The following TPRG1 variants were observed in gnomAD, a reference collection of about 807,000 sequenced individuals.
TPRG1 encodes tumor protein p63-regulated gene 1 protein.
In TPRG1, 29 loss-of-function variants were observed where a neutral mutation model predicts 29.3. That is an observed-to-expected ratio of 0.99 (90% CI 0.74 to 1.35). The LOEUF (loss-of-function observed/expected upper bound fraction) is 1.35, where lower values mean the gene tolerates loss of function less well. Among genes scored for constraint, TPRG1 ranks in the 40% most tolerant of loss-of-function variants. TPRG1 has a pLI of 0.00. For synonymous variants in TPRG1, 130 were observed against 116.8 expected (o/e 1.11, Z -0.73); for missense variants, 327 against 335.0 (o/e 0.98, Z 0.19).
intron 1 of TPRG1, among the ~76,000 whole-genome samples, chr3:189,000,591 T>C (rs1196743921): frequency 6.6e-6 from 1 of 152,104 alleles, no homozygotes; most frequent in Admixed American, 6.6e-5. Context: ...ATTTTTAATG[T>C]ACAAAATTAT....
In TPRG1 at chr3:189,162,049, G is replaced by A. The variant is rs139421849; in HGVS notation, c.-10+11177G>A. ...ACTCTATCACCCAGGCTGGAGTGCA[G>A]TCGTGTGATCTTGGCTCATTGCAAC... On this transcript the variant is annotated intron_variant, in intron 5 of 6. Transcript: ENST00000412373. Among the ~76,000 whole-genome samples the A allele has an allele frequency of 2.4e-3, 368 of 152,256 alleles. 2 individuals are homozygous for A. The highest frequency in any genetic ancestry group is 8.5e-3 in the African/African-American group (354 of 41,530).
intron 4 of TPRG1, among the ~76,000 whole-genome samples, chr3:189,149,416 A>AGAAT (rs1725662053): frequency 6.6e-6 from 1 of 152,224 alleles, no homozygotes; most frequent in African/African-American, 2.4e-5. Context: ...AAAGCATTCA[A>AGAAT]GAGCTTTCTG....
intron 2 of TPRG1, among the ~76,000 whole-genome samples, chr3:189,129,906 G>T (rs116266408): frequency 6.6e-6 from 1 of 152,240 alleles, no homozygotes; most frequent in African/African-American, 2.4e-5. Context: ...CTTGTGTTAG[G>T]CATTGTGAAG....
chr3:189,294,802 T>TCACACACACACACACA lies in TPRG1; in HGVS notation c.480-15584_480-15583insCACACACACACACACA, dbSNP rs577519611. Among the ~76,000 whole-genome samples, 8 of 131,518 alleles carry TCACACACACACACACA rather than the reference T, an allele frequency of 6.1e-5. No individual in the cohort carries two copies. In the South Asian group the frequency reaches 1.9e-3, roughly 30 times the overall value. The allele number at this position is 131,518 out of a possible 152,430, so 86.3% of individuals were successfully genotyped here. A position where few individuals can be genotyped will look rare whatever the true frequency, so the allele number is the denominator to read the frequency against. On this transcript the variant is annotated intron_variant, in intron 4 of 5. Transcript: ENST00000345063. The stretch of plus-strand genomic sequence containing the variant: ...ACCTTTAATTACACAACCCTTACAG[T>TCACACACACACACACA]TACACACACACACACACACACACAC...
chr3:189,097,414 A>C (rs974957413), upstream of TPRG1, among the ~76,000 whole-genome samples: 1 of 152,252 alleles, frequency 6.6e-6, no homozygotes, highest in African/African-American at 2.4e-5. Flanking sequence ...TCATTCTTCC[A>C]AATAAATATG....
chr3:189,015,372 T>C (rs1230960794), intron 3 of TPRG1, among the ~76,000 whole-genome samples: 1 of 152,184 alleles, frequency 6.6e-6, no homozygotes, highest in Non-Finnish European at 1.5e-5. Flanking sequence ...GAAACTTATG[T>C]TTAAAAGGTA....
At chr3:189,020,017 C>A (rs570749462) in intron 3 of TPRG1, among the ~76,000 whole-genome samples, 4 of 151,666 alleles carry the variant, frequency 2.6e-5, no homozygotes, top group Non-Finnish European at 5.9e-5. Context: ...AGTTTATTTG[C>A]GTAGAGGTGT....
rs115171723 is a variant in TPRG1 at position 189,245,692 on chromosome 3, T to C, written c.479+6783T>C. On this transcript the variant is annotated intron_variant, in intron 4 of 5. Coordinates refer to ENST00000345063, the MANE Select transcript of TPRG1 (RefSeq NM_198485.4). The stretch of plus-strand genomic sequence containing the variant: ...CAAATATCAATTGGGATATTGTGTT[T>C]GATAATGCTATTTAGATTATATATA... Among the ~76,000 whole-genome samples the C allele has an allele frequency of 5.4e-3, 817 of 152,288 alleles. 3 individuals carry two copies. Among genetic ancestry groups the C allele is most frequent in the African/African-American group, 0.019 (773 of 41,582 alleles).
chr3:189,297,213 T>A (rs1720089124), intron 4 of TPRG1, among the ~76,000 whole-genome samples: 2 of 152,096 alleles, frequency 1.3e-5, no homozygotes, highest in African/African-American at 4.8e-5. Flanking sequence ...ACTCCTGACC[T>A]CAAGTGATCT....
At chr3:189,305,550 G>GC (rs1001104549) in intron 4 of TPRG1, among the ~76,000 whole-genome samples, 9 of 152,054 alleles carry the variant, frequency 5.9e-5, no homozygotes, top group African/African-American at 1.7e-4. Context: ...TGTGTAGAAA[G>GC]CAAAACTTCT....
chr3:189,307,024 T>C (rs1721736588), intron 4 of TPRG1, among the ~76,000 whole-genome samples: 1 of 152,176 alleles, frequency 6.6e-6, no homozygotes, highest in Admixed American at 6.5e-5. Context: ...GACCCAGTCT[T>C]CTTCTTCTTT....
chr3:189,303,039 T>C (rs928101554), intron 4 of TPRG1, among the ~76,000 whole-genome samples: 4 of 152,182 alleles, frequency 2.6e-5, no homozygotes, highest in East Asian at 1.9e-4. Context: ...TGACTCTTCA[T>C]ATACAACAGC....
rs116032493 is a variant in TPRG1 at position 189,313,844 on chromosome 3, G to A, written c.633+3305G>A. 8.4e-3 allele frequency among the ~76,000 whole-genome samples: 1,280 copies of A among 152,206 alleles called. 30 individuals carry two copies. Among genetic ancestry groups the A allele is most frequent in the African/African-American group, 0.03 (1,230 of 41,524 alleles). On this transcript the variant is annotated intron_variant, in intron 5 of 5. Transcript: ENST00000345063. The stretch of plus-strand genomic sequence containing the variant: ...TAACTGAAACTGAAGTTTGGATCAA[G>A]CAAAAAGGAGTAGAGGTACATGAGA...
intron 2 of TPRG1, among the ~76,000 whole-genome samples, chr3:189,210,986 T>G (rs1409217028): frequency 6.6e-6 from 1 of 152,186 alleles, no homozygotes. Flanking sequence ...GGTTTATTGA[T>G]GAAAAATTAG....
chr3:189,296,198 T>C (rs1719890765), intron 4 of TPRG1, among the ~76,000 whole-genome samples: 1 of 152,240 alleles, frequency 6.6e-6, no homozygotes, highest in East Asian at 1.9e-4. Context: ...CAAAATCTTC[T>C]TTGTGAAAGA....
intron 1 of TPRG1, among the ~76,000 whole-genome samples, chr3:189,202,358 A>G (rs1733640958): frequency 6.6e-6 from 1 of 152,024 alleles, no homozygotes; most frequent in Non-Finnish European, 1.5e-5. Context: ...TCAGAATGAA[A>G]CCTCAAATGG....
intron 1 of TPRG1, among the ~76,000 whole-genome samples, chr3:189,184,859 TGG>T: frequency 6.6e-6 from 1 of 152,138 alleles, no homozygotes; most frequent in Admixed American, 6.5e-5. Flanking sequence ...GTGTTAGCAG[TGG>T]GGGTGAGATT....
At chr3:189,046,159 C>G (rs929965997) in intron 4 of TPRG1, among the ~76,000 whole-genome samples, 17 of 152,290 alleles carry the variant, frequency 1.1e-4, no homozygotes, top group Middle Eastern at 3.4e-3. Flanking sequence ...AAAACCCAAT[C>G]GAATCTTGGT....
At chr3:189,211,179 A>G (rs1490334066) in intron 2 of TPRG1, among the ~76,000 whole-genome samples, 1 of 152,158 alleles carries the variant, frequency 6.6e-6, no homozygotes, top group African/African-American at 2.4e-5. Flanking sequence ...ACATACTTCC[A>G]TAATCTAATT....
Sources: gnomAD v4.1 joint callset for allele counts (sites outside exome capture counted in the v4.1 genomes callset) on GRCh38, gnomAD v4.1.1 for gene constraint, MANE v1.5 for transcripts, NCBI Gene and HGNC (gene_info 2026-07-23, HGNC 2026-07-21) for gene names.